ANKRD36C: variants seen among roughly 807,000 people sequenced by gnomAD.
The protein encoded by ANKRD36C is ankyrin repeat domain-containing protein 36C.
Under a neutral mutation model 276.4 loss-of-function variants are expected in ANKRD36C, and 61 were observed. The ratio of observed to expected loss-of-function variants is 0.22; its 90% CI spans 0.18 to 0.27. ANKRD36C has a LOEUF of 0.27. ANKRD36C is among the 10% of genes least tolerant of loss of function. The pLI is 1.00. For synonymous variants in ANKRD36C, 483 were observed against 680.1 expected, an observed-to-expected ratio of 0.71 and a Z score of 4.51; for missense variants, 1,447 against 2,032.3, an observed-to-expected ratio of 0.71 and a Z score of 5.54.
chr2:95,891,763 T>A (rs541920464), intron 45 of ANKRD36C, 26 bp from the exon 66 acceptor site: 1 of 1,565,118 alleles, frequency 6.4e-7, no homozygotes, highest in African/African-American at 1.4e-5. Context: ...AATGAAATAA[T>A]AAATTAATAA....
intron 44 of ANKRD36C, among the ~76,000 whole-genome samples, chr2:95,892,377 T>C (rs539751519): frequency 1.6e-4 from 24 of 151,670 alleles, no homozygotes; most frequent in African/African-American, 5.8e-4. Context: ...GGAAGTGTGC[T>C]AAATTGATCA....
At chr2:95,920,457 ATC>A (rs1677232648) in intron 34 of ANKRD36C, among the ~76,000 whole-genome samples, 1 of 132,640 alleles carries the variant, frequency 7.5e-6, no homozygotes, top group African/African-American at 2.6e-5. Context: ...CACCTTGGAT[ATC>A]TGTTTGCTGA....
In ANKRD36C at chr2:95,897,417, A is replaced by G; in HGVS notation, c.2755+1728T>C. 6.5e-7 allele frequency: 1 copy of G among 1,543,780 alleles called. No homozygotes were observed. Among genetic ancestry groups the G allele is most frequent in the South Asian group, 1.2e-5 (1 of 84,588 alleles). On this transcript the variant is annotated intron_variant, in intron 44 of 66. Coordinates refer to ENST00000456556, the Ensembl canonical transcript of ANKRD36C. ...GACTATACATTTACTAGTTCACAAT[A>G]TAAATGACAGTTTCATTACCTTCAA...
At chr2:95,932,504 T>C (rs145503104) in intron 24 of ANKRD36C, among the ~76,000 whole-genome samples, 6,539 of 105,038 alleles carry the variant, frequency 0.062, no homozygotes, top group East Asian at 0.11. Flanking sequence ...AAGTCCTACA[T>C]GTTATCTATG....
intron 24 of ANKRD36C, among the ~76,000 whole-genome samples, chr2:95,934,460 C>T (rs187995591): frequency 7.3e-5 from 11 of 151,122 alleles, no homozygotes; most frequent in East Asian, 2.0e-4. Context: ...TGCAAAGACA[C>T]GGATGAAGCC....
intron 24 of ANKRD36C, 118 bp downstream of exon 24, chr2:95,935,336 A>G (rs1483010700): frequency 3.6e-6 from 4 of 1,106,916 alleles, no homozygotes; most frequent in African/African-American, 1.6e-5. Flanking sequence ...CATCAGCATC[A>G]TTTAGATCAA....
rs993445669 is a variant in ANKRD36C, at chr2:95,897,347, A to G, written c.2755+1798T>C. ...ATCTTTCTCATCTCTTGTAGCCTGA[A>G]TGGAATTTGAAATGAAATAATAAAT... On this transcript the variant is annotated intron_variant, in intron 44 of 66. Coordinates refer to ENST00000456556, the Ensembl canonical transcript of ANKRD36C. 9.6e-6 allele frequency: 15 copies of G among 1,554,882 alleles called. No homozygotes were observed. The highest frequency in any genetic ancestry group is 1.3e-5 in the Non-Finnish European group (15 of 1,145,558).
intron 32 of ANKRD36C, 70 bp downstream of exon 32, chr2:95,923,425 T>C: frequency 1.3e-6 from 2 of 1,560,326 alleles, no homozygotes; most frequent in Non-Finnish European, 1.7e-6. Flanking sequence ...CCCCCGCTGA[T>C]TTATTCAGGG....
At position 95,921,819 on chromosome 2, in the gene ANKRD36C, C is replaced by CA. The variant is rs1298454874; in HGVS notation, c.2144-10dup. The CA allele has an allele frequency of 6.3e-7, 1 of 1,595,758 alleles. No homozygotes were observed. Among genetic ancestry groups the CA allele is most frequent in the African/African-American group, 1.4e-5 (1 of 73,804 alleles). On this transcript the variant is annotated splice_polypyrimidine_tract_variant and intron_variant, in intron 32 of 66. Coordinates refer to ENST00000456556, the Ensembl canonical transcript of ANKRD36C. ...TTGTTTCTGAGAAGACACTGAAAAA[C>CA]AAAAGGGATAATCACTCATATGTAA... is the stretch of plus-strand genomic sequence containing the variant.
At chr2:95,985,811 G>A (rs1452602385) in intron 3 of ANKRD36C, among the ~76,000 whole-genome samples, 2 of 152,138 alleles carry the variant, frequency 1.3e-5, no homozygotes, top group South Asian at 2.1e-4. Context: ...CTGGGTAGGG[G>A]TAGGGAAGAG....
exon 4 of ANKRD36C, chr2:95,982,328 T>A: frequency 1.9e-6 from 3 of 1,550,468 alleles, no homozygotes; most frequent in Non-Finnish European, 2.6e-6. Context: ...CACTTTTCTT[T>A]GACTCACAGC....
chr2:95,916,206 G>A (rs772606001), intron 36 of ANKRD36C, 35 bp from the exon 39 acceptor site: 67 of 1,601,290 alleles, frequency 4.2e-5, no homozygotes, highest in Non-Finnish European at 5.4e-5. Flanking sequence ...TCACTCACTC[G>A]TAAATATGAT....
Position 95,903,267 on chromosome 2 carries a change from C to G in ANKRD36C, c.2654-3931G>C, listed in dbSNP as rs1266551129. Among the ~76,000 whole-genome samples the G allele has an allele frequency of 2.0e-5, 3 of 150,518 alleles. 1 individual carries two copies. Among genetic ancestry groups the G allele is most frequent in the African/African-American group, 4.9e-5 (2 of 41,020 alleles). On this transcript the variant is annotated intron_variant, in intron 42 of 66. Transcript: ENST00000456556. ...TGCTGAGAAAAGGGAATACAGGCTC[C>G]ACGAAATATAGTCTTAGAATTTCAA...
At chr2:95,890,154 C>T (rs1676305802) in intron 46 of ANKRD36C, among the ~76,000 whole-genome samples, 160 bp from the exon 67 acceptor site, 1 of 151,308 alleles carries the variant, frequency 6.6e-6, no homozygotes, top group Admixed American at 6.6e-5. Flanking sequence ...GACAGAAGTA[C>T]ACTGAAAAAA....
At chr2:95,887,293 C>G (rs1016248802) in intron 50 of ANKRD36C, among the ~76,000 whole-genome samples, 4 of 151,382 alleles carry the variant, frequency 2.6e-5, no homozygotes, top group African/African-American at 9.7e-5. Flanking sequence ...AAGTTTATCC[C>G]AATTCTAGCA....
chr2:95,862,785 A>G (rs1311291648), intron 60 of ANKRD36C, among the ~76,000 whole-genome samples: 7 of 152,264 alleles, frequency 4.6e-5, no homozygotes, highest in East Asian at 1.9e-4. Context: ...TCATGAGAGC[A>G]AAGCCCTAAT....
intron 42 of ANKRD36C, among the ~76,000 whole-genome samples, chr2:95,909,729 G>C (rs368081753): frequency 6.6e-6 from 1 of 150,932 alleles, no homozygotes; most frequent in East Asian, 2.0e-4. Context: ...GGAGTAATGA[G>C]TCAGTGTGTT....
intron 13 of ANKRD36C, among the ~76,000 whole-genome samples, chr2:95,954,621 T>C (rs1160513452): frequency 6.6e-6 from 1 of 152,144 alleles, no homozygotes; most frequent in Non-Finnish European, 1.5e-5. Flanking sequence ...AAAGTACAAA[T>C]GTATATGTTG....
chr2:95,963,972 A>AATAAAT (rs1678521503), intron 6 of ANKRD36C, among the ~76,000 whole-genome samples: 16 of 48,988 alleles, frequency 3.3e-4, no homozygotes, highest in Admixed American at 8.6e-4. Flanking sequence ...TATATATATA[A>AATAAAT]ATATATATAT....
Sources: allele counts gnomAD v4.1 joint callset (sites outside exome capture counted in the v4.1 genomes callset), GRCh38; gene constraint gnomAD v4.1.1; transcripts MANE v1.5; gene names NCBI Gene and HGNC (gene_info 2026-07-23, HGNC 2026-07-21).